UBE2F: variants seen among roughly 807,000 people sequenced by gnomAD.
The protein encoded by UBE2F is ubiquitin conjugating enzyme E2 F (putative).
A neutral mutation model predicts 29.6 loss-of-function variants in UBE2F; 5 were observed. The ratio of observed to expected loss-of-function variants is 0.17; its 90% CI spans 0.09 to 0.36. The LOEUF (loss-of-function observed/expected upper bound fraction) is 0.36, where lower values mean the gene tolerates loss of function less well. UBE2F is among the 10% of genes least tolerant of loss of function. The probability of loss-of-function intolerance (pLI) is 1.00; values close to 1 mark genes in which losing one functional copy is unlikely to be tolerated. For synonymous variants in UBE2F, 66 were observed against 81.8 expected, an observed-to-expected ratio of 0.81 and a Z score of 1.04; for missense variants, 141 against 228.5, an observed-to-expected ratio of 0.62 and a Z score of 2.47.
chr2:237,999,820 CTTTTTTTTT>C (rs3054481), intron 4 of UBE2F, among the ~76,000 whole-genome samples: 16 of 119,866 alleles, frequency 1.3e-4, no homozygotes, highest in Admixed American at 2.5e-4. Flanking sequence ...TGATGTTGTT[CTTTTTTTTT>C]TTTTTTTTTT....
chr2:238,011,997 G>A (rs2064040913), intron 4 of UBE2F, among the ~76,000 whole-genome samples: 1 of 150,910 alleles, frequency 6.6e-6, no homozygotes, highest in Non-Finnish European at 1.5e-5. Flanking sequence ...TCCCACCTCA[G>A]CCTCCTAAGT....
At chr2:237,983,234 A>G (rs1447174634) in intron 2 of UBE2F, among the ~76,000 whole-genome samples, 1 of 152,202 alleles carries the variant, frequency 6.6e-6, no homozygotes, top group East Asian at 1.9e-4. Flanking sequence ...ATTTCTGATC[A>G]TGGCAAGTGG....
intron 6 of UBE2F, among the ~76,000 whole-genome samples, chr2:238,027,045 G>A (rs1297479210): frequency 6.6e-6 from 1 of 152,164 alleles, no homozygotes; most frequent in African/African-American, 2.4e-5. Context: ...TCCCTGTCTT[G>A]TCCCTGCCTT....
intron 4 of UBE2F, among the ~76,000 whole-genome samples, chr2:238,013,673 C>G (rs1417522279): frequency 6.6e-6 from 1 of 152,060 alleles, no homozygotes; most frequent in East Asian, 1.9e-4. Flanking sequence ...CATACCCCTT[C>G]AAAAGGTTTG....
chr2:237,971,072 G>A (rs2063167990), intron 1 of UBE2F, among the ~76,000 whole-genome samples: 1 of 152,218 alleles, frequency 6.6e-6, no homozygotes, highest in South Asian at 2.1e-4. Context: ...TAGGGGATAT[G>A]CAGAAGATGG....
At chr2:237,970,779 A>G (rs561512163) in intron 1 of UBE2F, among the ~76,000 whole-genome samples, 3 of 152,332 alleles carry the variant, frequency 2.0e-5, no homozygotes, top group African/African-American at 4.8e-5. Flanking sequence ...CAATGGCACA[A>G]TCACTGCAAC....
chr2:238,004,515 C>T (rs879301862), intron 4 of UBE2F, among the ~76,000 whole-genome samples: 131 of 151,192 alleles, frequency 8.7e-4, no homozygotes, highest in Non-Finnish European at 1.7e-3. Context: ...GTCTTTATTT[C>T]CTTAAAGACC....
chr2:238,019,566 A>T (rs1394255871), intron 5 of UBE2F, among the ~76,000 whole-genome samples: 1 of 149,258 alleles, frequency 6.7e-6, no homozygotes, highest in Non-Finnish European at 1.5e-5. Context: ...GAGTTTCTCC[A>T]TGTTGGTCAG....
At chr2:237,974,513 T>G (rs56056543) in intron 2 of UBE2F, among the ~76,000 whole-genome samples, 38,391 of 85,654 alleles carry the variant, frequency 0.45, 7,437 homozygotes, top group East Asian at 0.69. Flanking sequence ...TTTTTTTTTT[T>G]TGTTTTTTTT....
Position 237,967,028 on chromosome 2 carries a change from C to A in UBE2F, c.-121C>A. 3 of 1,278,866 alleles carry A rather than the reference C, an allele frequency of 2.3e-6. No homozygotes were observed. Among genetic ancestry groups the A allele is most frequent in the Non-Finnish European group, 3.0e-6 (3 of 1,008,874 alleles). The allele number at this position is 1,278,866 out of a possible 1,614,324, so 79.2% of individuals were successfully genotyped here. On this transcript the variant is annotated 5_prime_UTR_variant, in exon 1 of 10. Coordinates refer to ENST00000272930, the MANE Select transcript of UBE2F (RefSeq NM_080678.3). This position sits in a 1 kb window ranked among gnomAD's most constrained non-coding sequence, Gnocchi z 6.3. ...CCCGCCCCGCCACTTCCGGTCCCGC[C>A]GCCGGGAGCCGGTGCGGCTGTGAGG...
chr2:237,996,844 C>T (rs2063702157), intron 4 of UBE2F, among the ~76,000 whole-genome samples: 1 of 152,178 alleles, frequency 6.6e-6, no homozygotes, highest in Non-Finnish European at 1.5e-5. Context: ...TATATGACAG[C>T]ATCTTTGATG....
intron 4 of UBE2F, among the ~76,000 whole-genome samples, chr2:237,998,115 A>G (rs765066755): frequency 2.6e-5 from 4 of 152,188 alleles, no homozygotes; most frequent in Non-Finnish European, 4.4e-5. Context: ...AACAATGACA[A>G]TTTTTTAAAT....
intron 5 of UBE2F, among the ~76,000 whole-genome samples, chr2:238,023,466 C>G (rs932760071): frequency 1.3e-5 from 2 of 151,552 alleles, no homozygotes; most frequent in African/African-American, 2.4e-5. Flanking sequence ...ATTATAGTGT[C>G]GAAAAAGTAT....
chr2:238,034,621 T>A (rs376657064), intron 8 of UBE2F, among the ~76,000 whole-genome samples: 1 of 152,280 alleles, frequency 6.6e-6, no homozygotes, highest in East Asian at 1.9e-4. Flanking sequence ...CTGATAACAG[T>A]CTTTATCTAA....
chr2:238,035,643 A>G (rs192149558), intron 8 of UBE2F: 681 of 475,152 alleles, frequency 1.4e-3, no homozygotes, highest in South Asian at 2.5e-3. Flanking sequence ...GTAGAACTAC[A>G]TGTCAACATA....
rs944720503 is a variant in UBE2F at position 237,982,088 on chromosome 2, A to G, written c.119-5875A>G. ...CAATTTATTGAATCATTTACTTAAA[A>G]TGGGTCTATTTGATTGTATGTAAAT... On this transcript the variant is annotated intron_variant, in intron 2 of 9. Transcript: ENST00000272930. This position sits in a 1 kb window ranked among gnomAD's most constrained non-coding sequence, Gnocchi z 4.1. Among the ~76,000 whole-genome samples the G allele has an allele frequency of 6.6e-6, 1 of 152,198 alleles. No homozygotes were observed. The highest frequency in any genetic ancestry group is 2.4e-5 in the African/African-American group (1 of 41,446).
intron 5 of UBE2F, among the ~76,000 whole-genome samples, chr2:238,017,892 C>T (rs986654114): frequency 3.3e-5 from 5 of 152,142 alleles, no homozygotes; most frequent in Non-Finnish European, 4.4e-5. Flanking sequence ...TGCCCCCCAA[C>T]CCCAGCCACT....
intron 2 of UBE2F, among the ~76,000 whole-genome samples, chr2:237,976,580 C>T (rs2063286467): frequency 6.6e-6 from 1 of 151,876 alleles, no homozygotes; most frequent in East Asian, 1.9e-4. Flanking sequence ...AAAGATAGCA[C>T]CTTGTTGCCG....
At chr2:238,028,081 T>C (rs1295254108) in intron 6 of UBE2F, among the ~76,000 whole-genome samples, 1 of 152,266 alleles carries the variant, frequency 6.6e-6, no homozygotes, top group Non-Finnish European at 1.5e-5. Context: ...GATAGCCAAG[T>C]GTCTCTGTCT....
Sources: allele counts gnomAD v4.1 joint callset (sites outside exome capture counted in the v4.1 genomes callset), GRCh38; gene constraint gnomAD v4.1.1; non-coding constraint Gnocchi (gnomAD v3.1); transcripts MANE v1.5; gene names NCBI Gene and HGNC (gene_info 2026-07-23, HGNC 2026-07-21).